VAMP7: variants seen among roughly 807,000 people sequenced by gnomAD.
VAMP7 encodes the protein vesicle-associated membrane protein 7.
In VAMP7, 14 loss-of-function variants were observed where a neutral mutation model predicts 29.6. The observed-to-expected ratio is 0.47, with a 90% CI of 0.31 to 0.74. The LOEUF (loss-of-function observed/expected upper bound fraction) is 0.74. VAMP7 is among the 30% of genes least tolerant of loss of function. VAMP7 has a pLI of 0.05. For synonymous variants in VAMP7, 95 were observed against 88.1 expected, an observed-to-expected ratio of 1.08 and a Z score of -0.44; for missense variants, 223 against 262.4, an observed-to-expected ratio of 0.85 and a Z score of 1.04.
intron 5 of VAMP7, among the ~76,000 whole-genome samples, chrX:155,909,401 T>C (rs2066201257): frequency 6.6e-6 from 1 of 152,160 alleles, no homozygotes; most frequent in Non-Finnish European, 1.5e-5. Context: ...GGTTTGTCAA[T>C]TTTATTGATC....
intron 5 of VAMP7, 24 bp downstream of exon 5, chrX:155,900,611 T>G: frequency 6.4e-7 from 1 of 1,573,556 alleles, no homozygotes; most frequent in Non-Finnish European, 8.7e-7. Flanking sequence ...CATAGTTTCA[T>G]GCATGTGGGC....
At chrX:155,890,160 G>A (rs544322957) in intron 2 of VAMP7, among the ~76,000 whole-genome samples, 10 of 152,024 alleles carry the variant, frequency 6.6e-5, no homozygotes, top group East Asian at 2.0e-4. Context: ...ATCATAGGGC[G>A]GGCATATTTA....
chrX:155,931,652 C>T (rs5940624), intron 6 of VAMP7, among the ~76,000 whole-genome samples: 152,290 of 152,294 alleles, frequency 1, 76,143 homozygotes, highest in Middle Eastern at 1. Context: ...TTTTCTCCCA[C>T]TCTGTAGGTT....
chrX:155,899,603 C>G (rs745637185), intron 4 of VAMP7, among the ~76,000 whole-genome samples: 2 of 152,036 alleles, frequency 1.3e-5, no homozygotes, highest in South Asian at 2.1e-4. Flanking sequence ...AAATTGGTTA[C>G]TTATAAACCT....
At chrX:155,907,023 T>C (rs1233729055) in intron 5 of VAMP7, among the ~76,000 whole-genome samples, 1 of 152,064 alleles carries the variant, frequency 6.6e-6, no homozygotes, top group African/African-American at 2.4e-5. Flanking sequence ...TTAAACAGTG[T>C]TGGATTTTGT....
chrX:155,930,090 T>C (rs1217521134), intron 6 of VAMP7, among the ~76,000 whole-genome samples: 16 of 152,190 alleles, frequency 1.1e-4, no homozygotes, highest in Non-Finnish European at 2.2e-4. Context: ...CACGTTGCTC[T>C]CTTGGCATCA....
chrX:155,886,037 G>A (rs2065861371), intron 1 of VAMP7, among the ~76,000 whole-genome samples: 2 of 152,162 alleles, frequency 1.3e-5, no homozygotes, highest in Non-Finnish European at 2.9e-5. Flanking sequence ...GGAGAACAAA[G>A]AGGAACAGTG....
chrX:155,904,811 A>G (rs1018109921), intron 5 of VAMP7, among the ~76,000 whole-genome samples: 4 of 151,518 alleles, frequency 2.6e-5, no homozygotes, highest in Non-Finnish European at 5.9e-5. Context: ...CATTTTATGT[A>G]TCTACTCATT....
At chrX:155,882,275 A>C (rs1487772199) in intron 1 of VAMP7, among the ~76,000 whole-genome samples, 2 of 152,196 alleles carry the variant, frequency 1.3e-5, no homozygotes, top group Non-Finnish European at 2.9e-5. Flanking sequence ...TACAGCTGTA[A>C]ACAAGACTTA....
rs1399980937 is a variant in VAMP7 at position 155,943,374 on chromosome X, C to T, written c.*1423C>T. On this transcript the variant is annotated 3_prime_UTR_variant, in exon 8 of 8. Transcript: ENST00000286448. ...GTTCTTCTATCCAAACCTTTCAATT[C>T]ATGCTACCTGATTCATTTATTTGAC... is the stretch of plus-strand genomic sequence containing the variant. 3 of 152,246 alleles carry T rather than the reference C, an allele frequency of 2.0e-5. No homozygotes were observed. Among genetic ancestry groups the T allele is most frequent in the Non-Finnish European group, 4.4e-5 (3 of 67,950 alleles). The allele number at this position is 152,246 out of a possible 1,614,324, so 9.4% of individuals were successfully genotyped here.
intron 6 of VAMP7, among the ~76,000 whole-genome samples, chrX:155,932,533 G>C (rs1413589287): frequency 6.6e-6 from 1 of 152,126 alleles, no homozygotes; most frequent in African/African-American, 2.4e-5. Context: ...GTATAAGAAT[G>C]CTTGTGATTT....
intron 5 of VAMP7, among the ~76,000 whole-genome samples, chrX:155,907,994 A>G (rs1379374327): frequency 6.6e-6 from 1 of 151,246 alleles, no homozygotes; most frequent in African/African-American, 2.4e-5. Context: ...CACTTCCTAG[A>G]TGGGATGGCG....
chrX:155,907,968 G>A (rs1383134978), intron 5 of VAMP7, among the ~76,000 whole-genome samples: 2 of 151,752 alleles, frequency 1.3e-5, no homozygotes, highest in South Asian at 4.2e-4. Context: ...ATGGGCGGCC[G>A]GGCAGAGACG....
chrX:155,921,647 C>CT (rs2066397697), intron 6 of VAMP7, among the ~76,000 whole-genome samples: 1 of 151,976 alleles, frequency 6.6e-6, no homozygotes, highest in African/African-American at 2.4e-5. Context: ...TCTGGATTCT[C>CT]TATTTTGTTC....
At chrX:155,938,897 T>G (rs2066701780) in intron 6 of VAMP7, among the ~76,000 whole-genome samples, 1 of 152,238 alleles carries the variant, frequency 6.6e-6, no homozygotes. Context: ...GATTCATCTG[T>G]GGTAAATTGT....
intron 5 of VAMP7, among the ~76,000 whole-genome samples, chrX:155,918,823 A>G (rs2066351431): frequency 1.3e-5 from 2 of 152,156 alleles, no homozygotes; most frequent in Non-Finnish European, 2.9e-5. Flanking sequence ...CTTTCTCTGC[A>G]TCTATTAAGG....
chrX:155,922,307 TGTG>T (rs1237359752), intron 6 of VAMP7, among the ~76,000 whole-genome samples: 1 of 151,980 alleles, frequency 6.6e-6, no homozygotes, highest in African/African-American at 2.4e-5. Context: ...TTGACCATCT[TGTG>T]GGGAAAAATT....
intron 5 of VAMP7, among the ~76,000 whole-genome samples, chrX:155,913,500 T>C (rs1252852922): frequency 6.6e-6 from 1 of 152,218 alleles, no homozygotes; most frequent in African/African-American, 2.4e-5. Flanking sequence ...GATTTTATGG[T>C]TTTAAGTCTT....
At chrX:155,936,833 C>G (rs2066665794) in intron 6 of VAMP7, among the ~76,000 whole-genome samples, 1 of 151,988 alleles carries the variant, frequency 6.6e-6, no homozygotes, top group South Asian at 2.1e-4. Flanking sequence ...GAACAGGAAT[C>G]AAAGGAAATT....
Sources: allele counts gnomAD v4.1 joint callset (sites outside exome capture counted in the v4.1 genomes callset), GRCh38; gene constraint gnomAD v4.1.1; transcripts MANE v1.5; gene names NCBI Gene and HGNC (gene_info 2026-07-23, HGNC 2026-07-21).